CD22: variants seen among roughly 807,000 people sequenced by gnomAD.
CD22 encodes the protein B-cell receptor CD22.
A neutral mutation model predicts 94.7 loss-of-function variants in CD22; 51 were observed. That is an observed-to-expected ratio of 0.54 (90% CI 0.43 to 0.68). The LOEUF is 0.68. CD22 is among the 30% of genes least tolerant of loss of function. The pLI is 0.00. For synonymous variants in CD22, 424 were observed against 422.5 expected (o/e 1.00, Z -0.04); for missense variants, 931 against 1,060.4 (o/e 0.88, Z 1.69).
chr19:35,333,527 CT>C (rs1326003335), intron 3 of CD22, among the ~76,000 whole-genome samples: 2 of 152,152 alleles, frequency 1.3e-5, no homozygotes, highest in Non-Finnish European at 2.9e-5. Context: ...GTTTGTTTTA[CT>C]TTTTTTCCTC....
At chr19:35,339,747 C>G (rs1314493811) in intron 6 of CD22, among the ~76,000 whole-genome samples, 1 of 151,966 alleles carries the variant, frequency 6.6e-6, no homozygotes, top group South Asian at 2.1e-4. Flanking sequence ...ATCCACCTAC[C>G]TGGGAGGCTG....
At position 35,341,451 on chromosome 19, in the gene CD22, T is replaced by C. The variant is rs755818972; in HGVS notation, c.1616T>C (p.Val539Ala). 1 of 1,613,762 alleles carries C rather than the reference T, an allele frequency of 6.2e-7. No homozygotes were observed. The highest frequency in any genetic ancestry group is 1.1e-5 in the South Asian group (1 of 91,072). Residue 539 changes from valine to alanine, a missense_variant, in exon 8 of 14, where the codon GTC (valine) becomes GCC (alanine). Coordinates refer to ENST00000085219, the MANE Select transcript of CD22 (RefSeq NM_001771.4). This position sits in a 1 kb window ranked among gnomAD's most constrained non-coding sequence, Gnocchi z 4.0. ...CDFSSSHPKEVQFFWEKNGRL... is the reference protein window; with the variant it reads ...CDFSSSHPKEAQFFWEKNGRL... ...TTCTCAAGCAGCCACCCCAAAGAAG[T>C]CCAGTTCTTCTGGGAGAAAAATGGC...
In CD22 at chr19:35,338,011, G is replaced by C. The variant is rs145621000; in HGVS notation, c.975G>C (p.Leu325=). Residue 325 remains leucine (L), a synonymous_variant, in exon 5 of 14, where the codon CTG becomes CTC. Coordinates refer to ENST00000085219, the MANE Select transcript of CD22 (RefSeq NM_001771.4). ...VGPGRSEEVF[L]QVQYAPEPST... is the part of the protein sequence containing the mutation. ...CGGGAAGGTCGGAAGAAGTGTTCCTGCAAGTGCAGTGTGAGCCCCTCGGAG... is the reference window on the plus strand; with the variant it reads ...CGGGAAGGTCGGAAGAAGTGTTCCTCCAAGTGCAGTGTGAGCCCCTCGGAG... 7.2e-3 allele frequency: 11,585 copies of C among 1,610,422 alleles called. 79 individuals are homozygous for C. Among genetic ancestry groups the C allele is most frequent in the South Asian group, 0.019 (1,721 of 90,656 alleles).
Position 35,346,831 on chromosome 19 carries a change from C to A in CD22, c.*134C>A. ...ACACACACACACGCACACACACACACACACACTCACTGCGGAGAACCTTGT... is the reference window on the plus strand; with the variant it reads ...ACACACACACACGCACACACACACAAACACACTCACTGCGGAGAACCTTGT... On this transcript the variant is annotated 3_prime_UTR_variant, in exon 14 of 14. Transcript: ENST00000085219. 1 of 860,228 alleles carries A rather than the reference C, an allele frequency of 1.2e-6. No individual in the cohort carries two copies. Among genetic ancestry groups the A allele is most frequent in the Non-Finnish European group, 1.7e-6 (1 of 571,512 alleles). The allele number at this position is 860,228 out of a possible 1,614,324, so 53.3% of individuals were successfully genotyped here. A position where few individuals can be genotyped will look rare whatever the true frequency, so the allele number is the denominator to read the frequency against.
chr19:35,333,448 T>G (rs560900312), intron 3 of CD22, among the ~76,000 whole-genome samples: 1 of 152,310 alleles, frequency 6.6e-6, no homozygotes, highest in Non-Finnish European at 1.5e-5. Flanking sequence ...AGACCTGTGT[T>G]TGATGGGTCA....
chr19:35,332,542 G>A lies in CD22; in HGVS notation c.35-5G>A. On this transcript the variant is annotated splice_polypyrimidine_tract_variant and splice_region_variant and intron_variant, in intron 2 of 13. Coordinates refer to ENST00000085219, the MANE Select transcript of CD22 (RefSeq NM_001771.4). Reference sequence around the variant, plus strand: ...TTAGTAATGCTTTCTGATCACTGTGGTGAGTTCTAGAATACTTGGCTTTCT... The same window carrying A: ...TTAGTAATGCTTTCTGATCACTGTGATGAGTTCTAGAATACTTGGCTTTCT... 1.9e-6 allele frequency: 3 copies of A among 1,604,330 alleles called. No individual in the cohort carries two copies. The highest frequency in any genetic ancestry group is 2.6e-6 in the Non-Finnish European group (3 of 1,175,576).
chr19:35,339,914 C>T lies in CD22; in HGVS notation c.1250-967C>T, dbSNP rs74982186. Among the ~76,000 whole-genome samples the T allele has an allele frequency of 4.1e-3, 618 of 152,198 alleles. 5 individuals carry two copies. Among genetic ancestry groups the T allele is most frequent in the Middle Eastern group, 0.01 (3 of 294 alleles). ...CTCCATGAGGGACACAGAGACTTAG[C>T]GTCCCTAGGCAGTGGCTGAGTCTTG... On this transcript the variant is annotated intron_variant, in intron 6 of 13. Transcript: ENST00000085219.
At position 35,336,388 on chromosome 19, in the gene CD22, C is replaced by A. The variant is rs541266178; in HGVS notation, c.718+47C>A. 3 of 1,577,024 alleles carry A rather than the reference C, an allele frequency of 1.9e-6. No homozygotes were observed. In the African/African-American group the frequency reaches 4.0e-5, roughly 21 times the overall value. ...GTGGGAAGGGCAAGGTCTGTGTCAC[C>A]TTCTCCCCAGCCCCGCAGGGGGCAT... On this transcript the variant is annotated intron_variant, in intron 4 of 13. Coordinates refer to ENST00000085219, the MANE Select transcript of CD22 (RefSeq NM_001771.4).
At chr19:35,338,112 G>T in intron 5 of CD22, 56 bp from the exon 6 acceptor site, 1 of 1,577,602 alleles carries the variant, frequency 6.3e-7, no homozygotes, top group Non-Finnish European at 8.6e-7. Flanking sequence ...GGGGCCGTGT[G>T]CACAGGTTGG....
chr19:35,340,690 C>G (rs2066794746), intron 6 of CD22, among the ~76,000 whole-genome samples, 191 bp from the exon 7 acceptor site: 1 of 152,380 alleles, frequency 6.6e-6, no homozygotes, highest in African/African-American at 2.4e-5. Flanking sequence ...CACCAAACCA[C>G]AGCCAGGCCA....
rs1283130421 is a variant in CD22 at position 35,345,191 on chromosome 19, G to A, written c.2208+65G>A. On this transcript the variant is annotated intron_variant, in intron 11 of 13. Transcript: ENST00000085219. ...CCAGCACTTTGGGAGGCTGAGGCAG[G>A]TGGATCACCTGAGGTCAGGAGTTCG... is the stretch of plus-strand genomic sequence containing the variant. 3 of 1,406,934 alleles carry A rather than the reference G, an allele frequency of 2.1e-6. No individual in the cohort carries two copies. In the East Asian group the frequency reaches 6.8e-5, roughly 32 times the overall value. 87.2% of individuals were successfully genotyped at this position (1,406,934 alleles called of 1,614,324 possible). A position where few individuals can be genotyped will look rare whatever the true frequency, so the allele number is the denominator to read the frequency against.
chr19:35,341,283 C>G lies in CD22; in HGVS notation c.1508-60C>G. 6.3e-7 allele frequency: 1 copy of G among 1,598,676 alleles called. No individual in the cohort carries two copies. The highest frequency in any genetic ancestry group is 8.5e-7 in the Non-Finnish European group (1 of 1,170,630). ...GCGTCAGGGCCAAGGGGAGGGGAGG[C>G]CTGGGGACAGCAAAAGGGACAGGGA... On this transcript the variant is annotated intron_variant, in intron 7 of 13. Transcript: ENST00000085219. This position sits in a 1 kb window ranked among gnomAD's most constrained non-coding sequence, Gnocchi z 4.0.
intron 9 of CD22, 127 bp downstream of exon 9, chr19:35,342,092 C>T (rs1200077670): frequency 2.5e-6 from 2 of 786,722 alleles, no homozygotes; most frequent in Non-Finnish European, 3.9e-6. Flanking sequence ...CTCTTCTTCC[C>T]CTCCTCCTCC....
Position 35,341,648 on chromosome 19 carries a change from C to T in CD22, c.1771+42C>T. ...GGCTGGGAGTGGAGCAGAGAAGGGA[C>T]CAGTGGCCTGCCTGGTAGTGACTTC... On this transcript the variant is annotated intron_variant, in intron 8 of 13. Transcript: ENST00000085219. This position sits in a 1 kb window ranked among gnomAD's most constrained non-coding sequence, Gnocchi z 4.0. 1 of 1,607,076 alleles carries T rather than the reference C, an allele frequency of 6.2e-7. No homozygotes were observed. Among genetic ancestry groups the T allele is most frequent in the Non-Finnish European group, 8.5e-7 (1 of 1,175,554 alleles).
chr19:35,334,518 G>A (rs2066690769), intron 3 of CD22, among the ~76,000 whole-genome samples: 1 of 152,196 alleles, frequency 6.6e-6, no homozygotes, highest in Admixed American at 6.5e-5. Context: ...CCTGCCACAG[G>A]GAGTGTGGTC....
rs2066802063 is a variant in CD22 at position 35,341,164 on chromosome 19, A to T, written c.1507+26A>T. On this transcript the variant is annotated intron_variant, in intron 7 of 13. Transcript: ENST00000085219. This position sits in a 1 kb window ranked among gnomAD's most constrained non-coding sequence, Gnocchi z 4.0. ...GTGAGTCCCTGGGCTAGGCAGGGGG[A>T]TCTGGGAGGTGGCCCGGCTGGGATG... 6.2e-7 allele frequency: 1 copy of T among 1,612,260 alleles called. No homozygotes were observed.
chr19:35,336,020 C>A lies in CD22; in HGVS notation c.413-16C>A. ...TCAGTCCCCCAGGCTCCTGCACGGG[C>A]TCTGTTCTTTTGCAGAAAGGCCTTT... On this transcript the variant is annotated splice_polypyrimidine_tract_variant and intron_variant, in intron 3 of 13. Coordinates refer to ENST00000085219, the MANE Select transcript of CD22 (RefSeq NM_001771.4). 1 of 1,608,466 alleles carries A rather than the reference C, an allele frequency of 6.2e-7. No individual in the cohort carries two copies.
chr19:35,341,638 A>G lies in CD22; in HGVS notation c.1771+32A>G. On this transcript the variant is annotated intron_variant, in intron 8 of 13. Transcript: ENST00000085219. The surrounding 1 kb of genome is among the most constrained non-coding windows in gnomAD (Gnocchi z 4.0). ...GAGGGCCGGAGGCTGGGAGTGGAGC[A>G]GAGAAGGGACCAGTGGCCTGCCTGG... 1.2e-6 allele frequency: 2 copies of G among 1,607,666 alleles called. No homozygotes were observed. The highest frequency in any genetic ancestry group is 1.7e-6 in the Non-Finnish European group (2 of 1,175,578).
chr19:35,345,523 C>T (rs756405091), intron 11 of CD22, 79 bp from the exon 12 acceptor site: 1 of 840,292 alleles, frequency 1.2e-6, no homozygotes, highest in Non-Finnish European at 2.0e-6. Flanking sequence ...TCTGAGGAGA[C>T]CTGGGCTGTC....
Sources: allele counts gnomAD v4.1 joint callset (sites outside exome capture counted in the v4.1 genomes callset), GRCh38; gene constraint gnomAD v4.1.1; non-coding constraint Gnocchi (gnomAD v3.1); transcripts MANE v1.5; gene names NCBI Gene and HGNC (gene_info 2026-07-23, HGNC 2026-07-21).